Variants in ZNRF3 observed in about 807,000 individuals in gnomAD.
The protein encoded by ZNRF3 is zinc and ring finger 3.
In ZNRF3, 23 loss-of-function variants were observed where a neutral mutation model predicts 72.5. The observed-to-expected ratio is 0.32, with a 90% confidence interval of 0.23 to 0.45. The LOEUF (loss-of-function observed/expected upper bound fraction) is 0.45, where lower values mean the gene tolerates loss of function less well. Among genes scored for constraint, ZNRF3 ranks in the 20% least tolerant of loss-of-function variants. ZNRF3 has a pLI of 1.00. For missense variants in ZNRF3, 1,169 were observed against 1,272.1 expected (o/e 0.92, Z 1.23); for synonymous variants, 610 against 545.3 (o/e 1.12, Z -1.65).
intron 2 of ZNRF3, among the ~76,000 whole-genome samples, chr22:28,998,685 T>C (rs1263814468): frequency 6.6e-6 from 1 of 152,218 alleles, no homozygotes. Flanking sequence ...ATGAACCTCT[T>C]GGTTAAAAGG....
intron 1 of ZNRF3, among the ~76,000 whole-genome samples, chr22:28,924,290 A>G (rs1407628389): frequency 6.6e-6 from 1 of 152,188 alleles, no homozygotes; most frequent in Non-Finnish European, 1.5e-5. Context: ...TAGATCTTCC[A>G]TAAAAGACAA....
chr22:29,020,309 G>A (rs1035199559), intron 2 of ZNRF3, among the ~76,000 whole-genome samples: 4 of 142,372 alleles, frequency 2.8e-5, no homozygotes, highest in Non-Finnish European at 6.0e-5. Context: ...CACCCAGGCT[G>A]GAGTGCAGTG....
intron 2 of ZNRF3, among the ~76,000 whole-genome samples, chr22:29,029,173 G>A (rs2036700750): frequency 6.6e-6 from 1 of 152,194 alleles, no homozygotes; most frequent in African/African-American, 2.4e-5. Context: ...GGAGCTCCAA[G>A]GAGTTGGAAA....
intron 1 of ZNRF3, among the ~76,000 whole-genome samples, chr22:28,957,912 G>A (rs984810757): frequency 3.3e-5 from 5 of 152,062 alleles, no homozygotes; most frequent in African/African-American, 7.2e-5. Context: ...CTTGCTGGGC[G>A]CGGTGGTTCA....
intron 2 of ZNRF3, among the ~76,000 whole-genome samples, chr22:29,013,005 T>C (rs2036371503): frequency 1.3e-5 from 2 of 152,238 alleles, no homozygotes; most frequent in South Asian, 2.1e-4. Context: ...AGCGTATAGA[T>C]GGTAGTTGAT....
intron 1 of ZNRF3, among the ~76,000 whole-genome samples, chr22:28,981,495 C>T (rs2035763549): frequency 6.6e-6 from 1 of 151,906 alleles, no homozygotes; most frequent in African/African-American, 2.4e-5. Flanking sequence ...TGGTTTAGGG[C>T]CTAGTATTTC....
chr22:28,965,067 T>C (rs2035434353), intron 1 of ZNRF3, among the ~76,000 whole-genome samples: 1 of 152,064 alleles, frequency 6.6e-6, no homozygotes, highest in South Asian at 2.1e-4. Context: ...CCAGGGCCTG[T>C]CAAAAGAGAA....
chr22:28,970,479 C>A (rs1424172017), intron 1 of ZNRF3, among the ~76,000 whole-genome samples: 1 of 152,192 alleles, frequency 6.6e-6, no homozygotes, highest in South Asian at 2.1e-4. Context: ...CAACATACAC[C>A]TACCATGTGA....
chr22:29,031,660 T>C (rs1843038775), intron 2 of ZNRF3: 1 of 983,246 alleles, frequency 1.0e-6, no homozygotes, highest in Non-Finnish European at 1.2e-6. Context: ...CTTAGTGGCC[T>C]CCAGAGGGAG....
At chr22:28,896,383 T>A (rs1295699972) in intron 1 of ZNRF3, among the ~76,000 whole-genome samples, 1 of 152,166 alleles carries the variant, frequency 6.6e-6, no homozygotes, top group African/African-American at 2.4e-5. Context: ...TCCGCCCGCC[T>A]CGGCCTCCCA....
chr22:29,026,488 C>G (rs1432556426), intron 2 of ZNRF3: 1 of 152,162 alleles, frequency 6.6e-6, no homozygotes, highest in East Asian at 1.9e-4. Flanking sequence ...AGGTCTTAAA[C>G]CTGAAAATGG....
At chr22:29,014,831 A>G (rs1012211142) in intron 2 of ZNRF3, among the ~76,000 whole-genome samples, 4 of 152,242 alleles carry the variant, frequency 2.6e-5, no homozygotes, top group African/African-American at 4.8e-5. Flanking sequence ...TGCAAGGCCA[A>G]CAAACTGGGT....
chr22:28,986,252 G>C (rs1037745647), intron 1 of ZNRF3, among the ~76,000 whole-genome samples: 1 of 152,180 alleles, frequency 6.6e-6, no homozygotes, highest in African/African-American at 2.4e-5. Context: ...AACTTGTCAT[G>C]AATCTAAAGA....
At chr22:28,895,938 C>T (rs548728563) in intron 1 of ZNRF3, among the ~76,000 whole-genome samples, 3 of 151,906 alleles carry the variant, frequency 2.0e-5, no homozygotes, top group Non-Finnish European at 4.4e-5. Flanking sequence ...TGGATTCTGC[C>T]CCAGAAGGCT....
intron 2 of ZNRF3, among the ~76,000 whole-genome samples, chr22:29,022,597 A>G (rs751585473): frequency 1.4e-4 from 21 of 152,300 alleles, no homozygotes; most frequent in Non-Finnish European, 2.5e-4. Context: ...AGATGGGGGA[A>G]AAAGAACCCA....
intron 1 of ZNRF3, among the ~76,000 whole-genome samples, chr22:28,963,333 T>C (rs960181589): frequency 2.6e-5 from 4 of 152,332 alleles, no homozygotes; most frequent in Non-Finnish European, 2.9e-5. Flanking sequence ...ATTCACCTCA[T>C]TGCATCCCCT....
At chr22:28,936,999 T>C (rs2034831337) in intron 1 of ZNRF3, among the ~76,000 whole-genome samples, 1 of 151,948 alleles carries the variant, frequency 6.6e-6, no homozygotes, top group Non-Finnish European at 1.5e-5. Context: ...CTCATTCATC[T>C]GAGCTGCTAC....
At chr22:29,037,497 G>A (rs1320572763) in intron 2 of ZNRF3, among the ~76,000 whole-genome samples, 1 of 152,182 alleles carries the variant, frequency 6.6e-6, no homozygotes, top group Non-Finnish European at 1.5e-5. Flanking sequence ...ACCCGAGTAT[G>A]GTACCAGGCA....
At chr22:28,913,680 A>C (rs1453768732) in intron 1 of ZNRF3, among the ~76,000 whole-genome samples, 1 of 152,186 alleles carries the variant, frequency 6.6e-6, no homozygotes, top group African/African-American at 2.4e-5. Flanking sequence ...AGAACCAAGA[A>C]ACAGTGCTTC....
Sources: gnomAD v4.1 joint callset for allele counts (sites outside exome capture counted in the v4.1 genomes callset) on GRCh38, gnomAD v4.1.1 for gene constraint, MANE v1.5 for transcripts, NCBI Gene and HGNC (gene_info 2026-07-23, HGNC 2026-07-21) for gene names.